The following SFI1 variants were observed in gnomAD, a reference collection of about 807,000 sequenced individuals.
The protein encoded by SFI1 is protein SFI1 homolog.
Under a neutral mutation model 207.5 loss-of-function variants are expected in SFI1, and 195 were observed. The observed-to-expected ratio is 0.94, with a 90% CI of 0.84 to 1.06. The LOEUF (loss-of-function observed/expected upper bound fraction) is 1.06. SFI1 is among the 50% of genes least tolerant of loss of function. The probability of loss-of-function intolerance (pLI) is 0.00; values close to 1 mark genes in which losing one functional copy is unlikely to be tolerated. For synonymous variants in SFI1, 630 were observed against 598.9 expected (o/e 1.05, Z -0.76); for missense variants, 1,634 against 1,588.0 (o/e 1.03, Z -0.49).
At chr22:31,516,251 G>T (rs1462126825) in intron 2 of SFI1, among the ~76,000 whole-genome samples, 1 of 152,026 alleles carries the variant, frequency 6.6e-6, no homozygotes, top group African/African-American at 2.4e-5. Context: ...CGTGGCTTAC[G>T]TCTGGAATTC....
chr22:31,586,803 C>T (rs568327607), intron 14 of SFI1, among the ~76,000 whole-genome samples: 2 of 152,232 alleles, frequency 1.3e-5, no homozygotes, highest in East Asian at 1.9e-4. Context: ...CCAACACTGG[C>T]GGACAGTCCA....
chr22:31,594,552 AAAAAAAAAAAG>A (rs1399966561), intron 15 of SFI1, among the ~76,000 whole-genome samples: 1 of 85,240 alleles, frequency 1.2e-5, no homozygotes, highest in Non-Finnish European at 2.4e-5. Context: ...CGTCTCAAAA[AAAAAAAAAAAG>A]AAAAGAAAAA....
chr22:31,497,846 T>C (rs932333186), intron 1 of SFI1, among the ~76,000 whole-genome samples: 2 of 152,184 alleles, frequency 1.3e-5, no homozygotes, highest in East Asian at 3.8e-4. Flanking sequence ...CCTTTCAAGA[T>C]ATTACTGGTC....
At position 31,559,876 on chromosome 22, in the gene SFI1, A is replaced by G; in HGVS notation, c.663-1414A>G. The G allele has an allele frequency of 4.5e-6, 3 of 665,322 alleles. No individual in the cohort carries two copies. In the East Asian group the frequency reaches 9.1e-5, roughly 20 times the overall value. The allele number at this position is 665,322 out of a possible 1,614,324, so 41.2% of individuals were successfully genotyped here. On this transcript the variant is annotated intron_variant, in intron 7 of 32. Coordinates refer to ENST00000400288, the MANE Select transcript of SFI1 (RefSeq NM_001007467.3). ...ACCACTTCTGGGGCCTTCGTGTCCGAGGCCAGCACACCAAGACCACTGGCC... is the reference window on the plus strand; with the variant it reads ...ACCACTTCTGGGGCCTTCGTGTCCGGGGCCAGCACACCAAGACCACTGGCC...
At chr22:31,616,554 C>G in intron 29 of SFI1, 191 bp from the exon 30 acceptor site, 2 of 569,182 alleles carry the variant, frequency 3.5e-6, no homozygotes. Flanking sequence ...CCCTACAGTA[C>G]CAGGCCCTGT....
At chr22:31,517,350 G>T (rs2413055) in intron 2 of SFI1, among the ~76,000 whole-genome samples, 3,502 of 152,084 alleles carry the variant, frequency 0.023, 123 homozygotes, top group Admixed American at 0.078. Flanking sequence ...CAGGCTTGAG[G>T]AGTCCTCCCA....
chr22:31,607,926 C>G lies in SFI1; in HGVS notation c.2158-11C>G, dbSNP rs2069339728. 6.2e-7 allele frequency: 1 copy of G among 1,612,666 alleles called. No homozygotes were observed. The highest frequency in any genetic ancestry group is 8.5e-7 in the Non-Finnish European group (1 of 1,178,964). ...ATAGTGACTCTTGCTGTGCTCCTTG[C>G]CTGCCCATAGGTCCTGGTCCAGTGG... On this transcript the variant is annotated splice_polypyrimidine_tract_variant and intron_variant, in intron 21 of 32. Coordinates refer to ENST00000400288, the MANE Select transcript of SFI1 (RefSeq NM_001007467.3).
chr22:31,564,814 A>ATTTTTT (rs776647555), intron 8 of SFI1, among the ~76,000 whole-genome samples: 8 of 111,910 alleles, frequency 7.1e-5, no homozygotes, highest in African/African-American at 1.1e-4. Flanking sequence ...CTGGCCCAGA[A>ATTTTTT]TTTTTTTTTT....
At chr22:31,512,777 C>G (rs1454572013) in intron 2 of SFI1, among the ~76,000 whole-genome samples, 7 of 152,082 alleles carry the variant, frequency 4.6e-5, no homozygotes. Context: ...AGCTCTGCCT[C>G]CCAGGTTCAT....
chr22:31,615,379 T>G, intron 29 of SFI1, 100 bp downstream of exon 29: 2 of 1,156,070 alleles, frequency 1.7e-6, no homozygotes, highest in East Asian at 2.8e-5. Flanking sequence ...TGGAAAACCT[T>G]GGCACAGGGA....
In SFI1 at chr22:31,576,704, A is replaced by G. The variant is rs1194321525; in HGVS notation, c.1084+1312A>G. Among the ~76,000 whole-genome samples, 16 of 150,178 alleles carry G rather than the reference A, an allele frequency of 1.1e-4. No individual in the cohort carries two copies. The East Asian group carries it at 3.2e-3, about 30-fold the overall frequency. ...GCCCAAGCTGGAGTGCAATGGCCCA[A>G]TCTTGGCTCACCACAACCTCTGCCT... On this transcript the variant is annotated intron_variant, in intron 10 of 32. Coordinates refer to ENST00000400288, the MANE Select transcript of SFI1 (RefSeq NM_001007467.3).
At chr22:31,584,405 G>C (rs1180457241) in intron 13 of SFI1, among the ~76,000 whole-genome samples, 1 of 152,124 alleles carries the variant, frequency 6.6e-6, no homozygotes, top group South Asian at 2.1e-4. Flanking sequence ...GGAAAACTCA[G>C]AATGTATAGG....
chr22:31,531,764 A>G (rs2058552394), intron 4 of SFI1, among the ~76,000 whole-genome samples: 1 of 152,160 alleles, frequency 6.6e-6, no homozygotes, highest in Non-Finnish European at 1.5e-5. Flanking sequence ...GTGGTGGCGC[A>G]TGCCTGTAAT....
chr22:31,614,447 T>C, intron 27 of SFI1: 1 of 469,758 alleles, frequency 2.1e-6, no homozygotes, highest in South Asian at 1.8e-5. Context: ...TCCCGGTCCC[T>C]GCTGTGCTCC....
chr22:31,553,838 G>GT (rs58333559), intron 6 of SFI1, among the ~76,000 whole-genome samples: 872 of 26,274 alleles, frequency 0.033, 370 homozygotes, highest in East Asian at 0.067. Context: ...AATGGATTAT[G>GT]TTTTTTTTTT....
chr22:31,580,390 G>A (rs1473496648), intron 12 of SFI1, 26 bp downstream of exon 12: 3 of 1,578,068 alleles, frequency 1.9e-6, no homozygotes, highest in Non-Finnish European at 2.6e-6. Flanking sequence ...TGTATCAAGG[G>A]ACCTCTTCTG....
chr22:31,501,426 T>C (rs886283817), intron 1 of SFI1, among the ~76,000 whole-genome samples: 2 of 152,248 alleles, frequency 1.3e-5, no homozygotes, highest in South Asian at 4.1e-4. Flanking sequence ...CATCTCGGCC[T>C]CCCAAAGTGC....
chr22:31,548,415 C>A lies in SFI1; in HGVS notation c.449+1444C>A, dbSNP rs939209003. ...GTGAAACCTTGTCTCTATTAAAAAA[C>A]AAAACAAAACAAAACAAAAATTCCA... On this transcript the variant is annotated intron_variant, in intron 5 of 32. Coordinates refer to ENST00000400288, the MANE Select transcript of SFI1 (RefSeq NM_001007467.3). Among the ~76,000 whole-genome samples, 3 of 148,936 alleles carry A rather than the reference C, an allele frequency of 2.0e-5. No individual in the cohort carries two copies. In the Admixed American group the frequency reaches 2.0e-4, roughly 10 times the overall value.
chr22:31,522,543 A>G (rs574131932), intron 2 of SFI1, among the ~76,000 whole-genome samples: 1 of 152,246 alleles, frequency 6.6e-6, no homozygotes, highest in South Asian at 2.1e-4. Flanking sequence ...TTCTGTTTCT[A>G]AGAATTTGCT....
Sources: allele counts gnomAD v4.1 joint callset (sites outside exome capture counted in the v4.1 genomes callset), GRCh38; gene constraint gnomAD v4.1.1; transcripts MANE v1.5; gene names NCBI Gene and HGNC (gene_info 2026-07-23, HGNC 2026-07-21).